Variants in TENM3 observed in about 807,000 individuals in gnomAD.
TENM3 encodes the protein teneurin-3.
Under a neutral mutation model 255.1 loss-of-function variants are expected in TENM3, and 63 were observed. The observed-to-expected ratio is 0.25, with a 90% CI of 0.20 to 0.30. The LOEUF (loss-of-function observed/expected upper bound fraction) is 0.30, where lower values mean the gene tolerates loss of function less well. Ranked by LOEUF, TENM3 falls within the 10% of genes least tolerant of loss-of-function variation. TENM3 has a pLI of 1.00. For synonymous variants in TENM3, 1,306 were observed against 1,322.3 expected (o/e 0.99, Z 0.27); for missense variants, 2,929 against 3,461.1 (o/e 0.85, Z 3.86).
At chr4:182,644,461 T>A (rs1447250150) in intron 5 of TENM3, among the ~76,000 whole-genome samples, 1 of 152,150 alleles carries the variant, frequency 6.6e-6, no homozygotes. Flanking sequence ...GACACCAACA[T>A]ATACGGGTTA....
chr4:181,676,586 C>T, the TENM3 span, among the ~76,000 whole-genome samples: 16 of 152,058 alleles, frequency 1.1e-4, no homozygotes, highest in African/African-American at 3.9e-4. Context: ...TTTTCCTCAG[C>T]TATGAAACAT....
the TENM3 span, among the ~76,000 whole-genome samples, chr4:182,133,493 C>T: frequency 6.6e-6 from 1 of 152,068 alleles, no homozygotes; most frequent in African/African-American, 2.4e-5. Flanking sequence ...AGAACTAATA[C>T]ATATTTAAAG....
At chr4:181,692,712 C>A in the TENM3 span, among the ~76,000 whole-genome samples, 2 of 152,124 alleles carry the variant, frequency 1.3e-5, no homozygotes, top group Admixed American at 1.3e-4. Context: ...GGATCTATGG[C>A]TGGAAAGAGT....
At chr4:181,495,341 A>T in the TENM3 span, among the ~76,000 whole-genome samples, 1 of 152,132 alleles carries the variant, frequency 6.6e-6, no homozygotes. Flanking sequence ...AACGTTCTGG[A>T]GGGTTTTAAT....
chr4:182,286,208 T>C (rs1760719372), intron 1 of TENM3, among the ~76,000 whole-genome samples: 3 of 152,210 alleles, frequency 2.0e-5, no homozygotes, highest in Non-Finnish European at 4.4e-5. Flanking sequence ...TACAACCTGG[T>C]GATTCATGAA....
intron 3 of TENM3, among the ~76,000 whole-genome samples, chr4:182,491,389 A>ATGTGTGTG (rs147076817): frequency 0.33 from 49,758 of 150,796 alleles, 9,084 homozygotes; most frequent in Non-Finnish European, 0.4. Context: ...AGTGAAATTT[A>ATGTGTGTG]TGTGTGTGTG....
the TENM3 span, among the ~76,000 whole-genome samples, chr4:181,845,760 A>G: frequency 4.6e-5 from 7 of 152,230 alleles, no homozygotes; most frequent in Admixed American, 3.3e-4. Flanking sequence ...AGTTGGTCTC[A>G]CACTAAAGAT....
At chr4:182,560,969 T>A (rs1221071060) in intron 3 of TENM3, among the ~76,000 whole-genome samples, 4 of 152,168 alleles carry the variant, frequency 2.6e-5, no homozygotes, top group African/African-American at 9.6e-5. Context: ...GTACATCCAT[T>A]CCTCTCCGTT....
the TENM3 span, among the ~76,000 whole-genome samples, chr4:181,850,388 G>T: frequency 2.6e-5 from 4 of 151,792 alleles, no homozygotes; most frequent in African/African-American, 9.7e-5. Flanking sequence ...TATCAAATTT[G>T]TCTAGAAATA....
intron 3 of TENM3, among the ~76,000 whole-genome samples, chr4:182,530,418 C>T (rs1322810685): frequency 2.0e-5 from 3 of 152,134 alleles, no homozygotes; most frequent in African/African-American, 4.8e-5. Context: ...CAGAAGGATA[C>T]GTGAAACAGA....
intron 3 of TENM3, among the ~76,000 whole-genome samples, chr4:182,564,172 T>G (rs762943902): frequency 8.5e-5 from 13 of 152,184 alleles, no homozygotes; most frequent in Admixed American, 2.0e-4. Context: ...AGGGATTCAC[T>G]GCTTTCTGAG....
At chr4:182,181,588 A>G (rs1461666555) in intron 1 of TENM3, among the ~76,000 whole-genome samples, 1 of 152,216 alleles carries the variant, frequency 6.6e-6, no homozygotes, top group African/African-American at 2.4e-5. Flanking sequence ...ATCATATAAT[A>G]TAAAATCCTA....
chr4:181,737,626 A>T, the TENM3 span, among the ~76,000 whole-genome samples: 1 of 152,164 alleles, frequency 6.6e-6, no homozygotes, highest in Non-Finnish European at 1.5e-5. Flanking sequence ...TGTTAATTTT[A>T]ACATGTTCTG....
intron 3 of TENM3, among the ~76,000 whole-genome samples, chr4:182,358,450 A>G (rs1490228555): frequency 6.6e-6 from 1 of 151,876 alleles, no homozygotes; most frequent in African/African-American, 2.4e-5. Context: ...TGTAAGGTGG[A>G]TTCCTAGGTA....
At chr4:182,302,924 C>T (rs1761931035) in intron 1 of TENM3, among the ~76,000 whole-genome samples, 1 of 152,168 alleles carries the variant, frequency 6.6e-6, no homozygotes. Flanking sequence ...TCATCTTAAG[C>T]ACCTCTTCAC....
chr4:181,895,947 C>T, the TENM3 span, among the ~76,000 whole-genome samples: 3,655 of 152,210 alleles, frequency 0.024, 164 homozygotes, highest in African/African-American at 0.083. Flanking sequence ...ACCCAAGCTT[C>T]CTTTGACTGT....
At chr4:181,678,273 G>A in the TENM3 span, among the ~76,000 whole-genome samples, 3 of 152,086 alleles carry the variant, frequency 2.0e-5, no homozygotes, top group African/African-American at 7.2e-5. Flanking sequence ...GGAAGAAGGG[G>A]TTTGTGGGAA....
the TENM3 span, among the ~76,000 whole-genome samples, chr4:181,674,171 T>G: frequency 6.6e-6 from 1 of 152,198 alleles, no homozygotes; most frequent in East Asian, 1.9e-4. Context: ...AATTTCTTTG[T>G]AGTTTTTGTA....
the TENM3 span, among the ~76,000 whole-genome samples, chr4:181,931,124 C>G: frequency 6.6e-6 from 1 of 152,198 alleles, no homozygotes; most frequent in Non-Finnish European, 1.5e-5. Context: ...AATGCCCTCT[C>G]TCACCACTCC....
Sources: gnomAD v4.1 joint callset for allele counts (sites outside exome capture counted in the v4.1 genomes callset) on GRCh38, gnomAD v4.1.1 for gene constraint, MANE v1.5 for transcripts, NCBI Gene and HGNC (gene_info 2026-07-23, HGNC 2026-07-21) for gene names.